Variants in DNAH7 observed in about 807,000 individuals in gnomAD.
DNAH7 encodes the protein dynein axonemal heavy chain 7, also known as axonemal beta dynein heavy chain 7.
DNAH7 carries 397 observed loss-of-function variants against 444.6 expected under a neutral mutation model. That is an observed-to-expected ratio of 0.89 (90% CI 0.82 to 0.97). DNAH7 has a LOEUF of 0.97. Among genes scored for constraint, DNAH7 ranks in the 50% least tolerant of loss-of-function variants. The pLI, the probability that DNAH7 is intolerant of heterozygous loss-of-function variation, is 0.00. For missense variants in DNAH7, 4,902 were observed against 4,800.8 expected (o/e 1.02, Z -0.62); for synonymous variants, 1,636 against 1,624.4 (o/e 1.01, Z -0.17).
intron 13 of DNAH7, 37 bp from the exon 14 acceptor site, chr2:195,987,230 A>T: frequency 7.0e-7 from 1 of 1,431,786 alleles, no homozygotes; most frequent in African/African-American, 1.4e-5. Flanking sequence ...CATAAGAAGA[A>T]ATAAAACAAA....
intron 51 of DNAH7, among the ~76,000 whole-genome samples, chr2:195,812,639 T>C (rs1697022535): frequency 6.6e-6 from 1 of 152,196 alleles, no homozygotes; most frequent in South Asian, 2.1e-4. Flanking sequence ...CTTGGTACCA[T>C]ATAATAATCA....
chr2:195,771,829 T>C lies in DNAH7; in HGVS notation c.11264A>G (p.Asp3755Gly). ...SDEVVNEVASDILGKLPNNFD... is the reference protein window; with the variant it reads ...SDEVVNEVASGILGKLPNNFD... ...GTTGTTTGGAAGTTTGCCCAAGATG[T>C]CACTAGCGACCTCATTCACTACTTC... is the stretch of plus-strand genomic sequence containing the variant. The change falls in exon 61 of 65, where the codon GAC becomes GGC. Residue 3755 changes from aspartate (D) to glycine (G), a missense_variant. Coordinates refer to ENST00000312428, the MANE Select transcript of DNAH7 (RefSeq NM_018897.3). 1.9e-6 allele frequency: 3 copies of C among 1,614,184 alleles called. No individual in the cohort carries two copies. The highest frequency in any genetic ancestry group is 2.5e-6 in the Non-Finnish European group (3 of 1,180,028).
intron 12 of DNAH7, among the ~76,000 whole-genome samples, chr2:195,990,953 ATACT>A (rs1247427567): frequency 2.1e-5 from 3 of 144,072 alleles, no homozygotes; most frequent in African/African-American, 5.2e-5. Context: ...ATACATATAT[ATACT>A]TAAATATATA....
chr2:196,006,846 C>T lies in DNAH7; in HGVS notation c.990-4988G>A, dbSNP rs112361427. 4.4e-3 allele frequency among the ~76,000 whole-genome samples: 662 copies of T among 151,982 alleles called. 6 individuals carry two copies. Among genetic ancestry groups the T allele is most frequent in the African/African-American group, 0.015 (639 of 41,478 alleles). Reference sequence around the variant, plus strand: ...AAAATTAAACCAAAAAATGTAAATACATTTTTGTATTTACATTTAATACAT... The same window carrying T: ...AAAATTAAACCAAAAAATGTAAATATATTTTTGTATTTACATTTAATACAT... On this transcript the variant is annotated intron_variant, in intron 10 of 64. Transcript: ENST00000312428.
rs6754955 is a variant in DNAH7, at chr2:195,852,949, C to G, written c.8781+394G>C. 7.3e-3 allele frequency among the ~76,000 whole-genome samples: 1,023 copies of G among 140,656 alleles called. 9 individuals are homozygous for G. Among genetic ancestry groups the G allele is most frequent in the African/African-American group, 0.022 (808 of 36,514 alleles). 92.3% of individuals were successfully genotyped at this position (140,656 alleles called of 152,430 possible). ...AGAGAGAGAGAGAGAGAGAGAGAGACAGAGTTCTGATACCTTTTTACAGTA... is the reference window on the plus strand; with the variant it reads ...AGAGAGAGAGAGAGAGAGAGAGAGAGAGAGTTCTGATACCTTTTTACAGTA... On this transcript the variant is annotated intron_variant, in intron 46 of 64. Coordinates refer to ENST00000312428, the MANE Select transcript of DNAH7 (RefSeq NM_018897.3).
At chr2:195,802,824 C>CCT (rs1408660669) in intron 54 of DNAH7, among the ~76,000 whole-genome samples, 1 of 152,060 alleles carries the variant, frequency 6.6e-6, no homozygotes, top group Non-Finnish European at 1.5e-5. Context: ...ACATTGTACC[C>CCT]CTTAAGTAAT....
intron 48 of DNAH7, among the ~76,000 whole-genome samples, chr2:195,833,787 G>A (rs1013447602): frequency 2.0e-5 from 3 of 151,672 alleles, no homozygotes; most frequent in Admixed American, 2.0e-4. Flanking sequence ...ATGGAGTCTC[G>A]CTCTGCCACC....
chr2:195,873,088 A>C (rs1700816271), intron 39 of DNAH7, among the ~76,000 whole-genome samples: 1 of 152,192 alleles, frequency 6.6e-6, no homozygotes. Flanking sequence ...GGATAAGGCA[A>C]GGAATGACAA....
Position 195,983,622 on chromosome 2 carries a change from G to A in DNAH7, c.1833+1010C>T, listed in dbSNP as rs568629558. Among the ~76,000 whole-genome samples the A allele has an allele frequency of 4.3e-4, 66 of 152,266 alleles. 1 individual carries two copies. The highest frequency in any genetic ancestry group is 1.5e-3 in the African/African-American group (64 of 41,562). On this transcript the variant is annotated intron_variant, in intron 15 of 64. Transcript: ENST00000312428. Reference sequence around the variant, plus strand: ...CCTACTAGGCCCCACCTCCAACACTGGGGATCATGTTTCAACATAAGATTT... The same window carrying A: ...CCTACTAGGCCCCACCTCCAACACTAGGGATCATGTTTCAACATAAGATTT...
intron 44 of DNAH7, among the ~76,000 whole-genome samples, chr2:195,856,773 T>C (rs1021465454): frequency 1.5e-4 from 23 of 152,308 alleles, no homozygotes; most frequent in African/African-American, 5.3e-4. Flanking sequence ...ACTTGCCCCT[T>C]TGGGGAGCTC....
chr2:195,910,211 T>G lies in DNAH7; in HGVS notation c.3936-16A>C, dbSNP rs754110812. ...AAATAAGGTTCTGAAACATATGAAA[T>G]AGACATTCTTTGTAGAATAATGTGA... On this transcript the variant is annotated splice_polypyrimidine_tract_variant and intron_variant, in intron 24 of 64. Transcript: ENST00000312428. The G allele has an allele frequency of 1.3e-5, 20 of 1,565,512 alleles. No individual in the cohort carries two copies. The highest frequency in any genetic ancestry group is 1.7e-5 in the Non-Finnish European group (20 of 1,156,152).
At chr2:196,032,949 T>C (rs917481751) in intron 5 of DNAH7, among the ~76,000 whole-genome samples, 3 of 152,260 alleles carry the variant, frequency 2.0e-5, no homozygotes, top group South Asian at 2.1e-4. Context: ...GTTGCACTAA[T>C]ATATAAAAAG....
intron 17 of DNAH7, among the ~76,000 whole-genome samples, chr2:195,969,166 G>T (rs1388940459): frequency 6.6e-6 from 1 of 152,222 alleles, no homozygotes; most frequent in Non-Finnish European, 1.5e-5. Flanking sequence ...TTGGTTTCCT[G>T]TGGGTGGTGG....
At chr2:195,944,322 A>G (rs192652370) in intron 19 of DNAH7, among the ~76,000 whole-genome samples, 31 of 152,288 alleles carry the variant, frequency 2.0e-4, no homozygotes, top group Non-Finnish European at 4.4e-4. Context: ...GAGACAGGCC[A>G]TTACAGAAGC....
chr2:195,749,906 A>G (rs1242742373), intron 63 of DNAH7, among the ~76,000 whole-genome samples: 1 of 151,990 alleles, frequency 6.6e-6, no homozygotes, highest in Non-Finnish European at 1.5e-5. Flanking sequence ...TGGGTGCAGC[A>G]CACCAGCATG....
chr2:195,938,898 C>T (rs571123914), intron 19 of DNAH7, among the ~76,000 whole-genome samples: 1 of 152,182 alleles, frequency 6.6e-6, no homozygotes, highest in African/African-American at 2.4e-5. Context: ...TACCTTTACT[C>T]TCTCCCAGTG....
chr2:196,041,552 T>C (rs1395833329), intron 5 of DNAH7, among the ~76,000 whole-genome samples: 1 of 151,834 alleles, frequency 6.6e-6, no homozygotes, highest in Non-Finnish European at 1.5e-5. Flanking sequence ...TCTACAAAAA[T>C]AAAATGAAAA....
At chr2:196,014,824 C>T (rs1225758587) in intron 9 of DNAH7, among the ~76,000 whole-genome samples, 2 of 152,116 alleles carry the variant, frequency 1.3e-5, no homozygotes, top group Non-Finnish European at 2.9e-5. Context: ...AAGTAGCACA[C>T]TATAGGCCAG....
intron 30 of DNAH7, among the ~76,000 whole-genome samples, 181 bp from the exon 31 acceptor site, chr2:195,891,985 T>C (rs1035800696): frequency 6.6e-6 from 1 of 152,208 alleles, no homozygotes; most frequent in African/African-American, 2.4e-5. Context: ...CTATATGCAA[T>C]GCTAATTAAC....
Sources: gnomAD v4.1 joint callset for allele counts (sites outside exome capture counted in the v4.1 genomes callset) on GRCh38, gnomAD v4.1.1 for gene constraint, MANE v1.5 for transcripts, NCBI Gene and HGNC (gene_info 2026-07-23, HGNC 2026-07-21) for gene names.